Variants in VEGFC observed in about 807,000 individuals in gnomAD.
VEGFC encodes the protein vascular endothelial growth factor C.
Under a neutral mutation model 46.1 loss-of-function variants are expected in VEGFC, and 12 were observed. The ratio of observed to expected loss-of-function variants is 0.26; its 90% CI spans 0.17 to 0.42. VEGFC has a LOEUF of 0.42. Among genes scored for constraint, VEGFC ranks in the 10% least tolerant of loss-of-function variants. The pLI is 1.00. For missense variants in VEGFC, 488 were observed against 529.4 expected, an observed-to-expected ratio of 0.92 and a Z score of 0.77; for synonymous variants, 232 against 195.5, an observed-to-expected ratio of 1.19 and a Z score of -1.56.
intron 1 of VEGFC, among the ~76,000 whole-genome samples, chr4:176,737,386 T>C (rs1195298918): frequency 8.1e-6 from 1 of 123,860 alleles, no homozygotes; most frequent in Non-Finnish European, 1.5e-5. Flanking sequence ...ACAAACGTTA[T>C]AATATAATCT....
At chr4:176,738,446 T>C (rs1030813536) in intron 1 of VEGFC, among the ~76,000 whole-genome samples, 2 of 151,872 alleles carry the variant, frequency 1.3e-5, no homozygotes, top group African/African-American at 4.8e-5. Flanking sequence ...AAATAAACAA[T>C]AGAGAAAGGA....
chr4:176,780,573 C>T lies in VEGFC; in HGVS notation c.147+11592G>A, dbSNP rs1345018087. Among the ~76,000 whole-genome samples, 4 of 151,940 alleles carry T rather than the reference C, an allele frequency of 2.6e-5. No homozygotes were observed. In the East Asian group the frequency reaches 7.7e-4, roughly 29 times the overall value. On this transcript the variant is annotated intron_variant, in intron 1 of 6. Coordinates refer to ENST00000618562, the MANE Select transcript of VEGFC (RefSeq NM_005429.5). ...AATGGAAAATGAAATTATATCTATA[C>T]AGTTATATTAAATTTAAATCAGGCA...
In VEGFC at chr4:176,761,350, A is replaced by G. The variant is rs988573506; in HGVS notation, c.147+30815T>C. On this transcript the variant is annotated intron_variant, in intron 1 of 6. Coordinates refer to ENST00000618562, the MANE Select transcript of VEGFC (RefSeq NM_005429.5). ...TGTGAATATAAAATCATAATATTCA[A>G]ACTGGTTCATAACTATATGCCCATG... 2.0e-5 allele frequency among the ~76,000 whole-genome samples: 3 copies of G among 152,342 alleles called. No individual in the cohort carries two copies. In the East Asian group the frequency reaches 5.8e-4, roughly 29 times the overall value.
At chr4:176,690,604 A>G (rs9654287) in intron 4 of VEGFC, among the ~76,000 whole-genome samples, 35,157 of 141,276 alleles carry the variant, frequency 0.25, 6,720 homozygotes, top group African/African-American at 0.53. Flanking sequence ...GCAGACAGTC[A>G]GGACTTATCC....
chr4:176,732,707 A>G (rs1366466043), intron 1 of VEGFC, among the ~76,000 whole-genome samples: 1 of 140,426 alleles, frequency 7.1e-6, no homozygotes, highest in Non-Finnish European at 1.5e-5. Flanking sequence ...ACATTCATTG[A>G]AAAAAAAAAA....
intron 4 of VEGFC, among the ~76,000 whole-genome samples, chr4:176,707,252 G>C (rs529054777): frequency 6.6e-6 from 1 of 152,150 alleles, no homozygotes; most frequent in Non-Finnish European, 1.5e-5. Flanking sequence ...CAACTGTTTT[G>C]AAAAATGATT....
chr4:176,729,552 A>G lies in VEGFC; in HGVS notation c.342T>C (p.Tyr114=). ...EETIKFAAAH[Y]NTEILKSIDN... ...ACTTACTTTTCAAGATCTCTGTATT[A>G]TAATGTGCTGCAGCAAATTTTATAG... Residue 114 remains tyrosine (Y), a synonymous_variant, in exon 2 of 7, where the codon TAT becomes TAC. Transcript: ENST00000618562. 1.2e-6 allele frequency: 2 copies of G among 1,613,316 alleles called. No individual in the cohort carries two copies. The highest frequency in any genetic ancestry group is 8.5e-7 in the Non-Finnish European group (1 of 1,179,802).
At chr4:176,753,096 T>G (rs1462775423) in intron 1 of VEGFC, among the ~76,000 whole-genome samples, 2 of 152,082 alleles carry the variant, frequency 1.3e-5, no homozygotes, top group Non-Finnish European at 2.9e-5. Context: ...AGCCTGATCC[T>G]GCTGAAACAG....
At chr4:176,712,390 TC>T (rs1462896304) in intron 3 of VEGFC, among the ~76,000 whole-genome samples, 1 of 152,170 alleles carries the variant, frequency 6.6e-6, no homozygotes, top group African/African-American at 2.4e-5. Context: ...TATTTATGGA[TC>T]AAGAACTTCT....
rs1377767443 is a variant in VEGFC, at chr4:176,792,023, C to T, written c.147+142G>A. On this transcript the variant is annotated intron_variant, in intron 1 of 6. Transcript: ENST00000618562. This position sits in a 1 kb window ranked among gnomAD's most constrained non-coding sequence, Gnocchi z 6.3. ...AAAAGAAGAAGATTTTTCTCCAAAG[C>T]AGCGTGCACTGAGCTCAGTAACTTT... 3 of 1,142,664 alleles carry T rather than the reference C, an allele frequency of 2.6e-6. No homozygotes were observed. The highest frequency in any genetic ancestry group is 3.1e-5 in the East Asian group (1 of 32,082). 70.8% of individuals were successfully genotyped at this position (1,142,664 alleles called of 1,614,324 possible). A position where few individuals can be genotyped will look rare whatever the true frequency, so the allele number is the denominator to read the frequency against.
chr4:176,746,082 GAAGATAATACC>G (rs1735254091), intron 1 of VEGFC, among the ~76,000 whole-genome samples: 1 of 152,070 alleles, frequency 6.6e-6, no homozygotes. Context: ...ATTAGTACTA[GAAGATAATACC>G]ACAGAGCATT....
chr4:176,724,919 A>C (rs1322082644), intron 3 of VEGFC, among the ~76,000 whole-genome samples: 1 of 152,138 alleles, frequency 6.6e-6, no homozygotes, highest in Non-Finnish European at 1.5e-5. Flanking sequence ...TGGGAGGGGC[A>C]AGGGTAGGGA....
intron 1 of VEGFC, among the ~76,000 whole-genome samples, chr4:176,737,707 CAATTT>C (rs1735079957): frequency 6.6e-6 from 1 of 151,642 alleles, no homozygotes; most frequent in Admixed American, 6.6e-5. Flanking sequence ...CAATTCTTCA[CAATTT>C]ATTTTTAGCA....
chr4:176,713,211 CAT>C (rs1331050458), intron 3 of VEGFC, among the ~76,000 whole-genome samples: 1 of 152,190 alleles, frequency 6.6e-6, no homozygotes, highest in Non-Finnish European at 1.5e-5. Flanking sequence ...GTGACCTCAA[CAT>C]ATGCCACTAT....
chr4:176,758,037 C>A (rs1202724292), intron 1 of VEGFC, among the ~76,000 whole-genome samples: 1 of 152,006 alleles, frequency 6.6e-6, no homozygotes, highest in Non-Finnish European at 1.5e-5. Context: ...TCAACACTTT[C>A]TTTTGTAAAT....
intron 4 of VEGFC, among the ~76,000 whole-genome samples, chr4:176,694,055 G>A (rs975083487): frequency 1.3e-5 from 2 of 151,128 alleles, no homozygotes; most frequent in African/African-American, 4.9e-5. Context: ...TCGAGACTAG[G>A]AAGAAACTGC....
chr4:176,697,781 T>G (rs1435731771), intron 4 of VEGFC, among the ~76,000 whole-genome samples: 3 of 151,078 alleles, frequency 2.0e-5, no homozygotes, highest in African/African-American at 7.3e-5. Context: ...GTGGCACATA[T>G]ACACCATGGA....
intron 4 of VEGFC, among the ~76,000 whole-genome samples, chr4:176,709,980 G>A (rs1734595302): frequency 6.6e-6 from 1 of 152,014 alleles, no homozygotes; most frequent in Admixed American, 6.6e-5. Flanking sequence ...AATCAATTGT[G>A]TTTAGATGGG....
Position 176,700,839 on chromosome 4 carries a change from C to T in VEGFC, c.704+10660G>A, listed in dbSNP as rs147410282. ...GTCTCATTACCTTGTCACAGCCATA[C>T]GTCATTAACAGAAAAACAAAAACAA... is the stretch of plus-strand genomic sequence containing the variant. On this transcript the variant is annotated intron_variant, in intron 4 of 6. Coordinates refer to ENST00000618562, the MANE Select transcript of VEGFC (RefSeq NM_005429.5). Among the ~76,000 whole-genome samples, 110 of 152,014 alleles carry T rather than the reference C, an allele frequency of 7.2e-4. No homozygotes were observed. The East Asian group carries it at 0.017, about 24-fold the overall frequency.
Sources: allele counts gnomAD v4.1 joint callset (sites outside exome capture counted in the v4.1 genomes callset), GRCh38; gene constraint gnomAD v4.1.1; non-coding constraint Gnocchi (gnomAD v3.1); transcripts MANE v1.5; gene names NCBI Gene and HGNC (gene_info 2026-07-23, HGNC 2026-07-21).